The following FAT3 variants were observed in gnomAD, a reference collection of about 807,000 sequenced individuals.
The protein encoded by FAT3 is FAT atypical cadherin 3.
FAT3 carries 95 observed loss-of-function variants against 310.2 expected under a neutral mutation model. The observed-to-expected ratio is 0.31, with a 90% CI of 0.26 to 0.36. The LOEUF is 0.36. Among genes scored for constraint, FAT3 ranks in the 10% least tolerant of loss-of-function variants. The pLI is 1.00. For synonymous variants in FAT3, 2,314 were observed against 2,192.9 expected, an observed-to-expected ratio of 1.06 and a Z score of -1.54; for missense variants, 5,408 against 5,715.6, an observed-to-expected ratio of 0.95 and a Z score of 1.74.
At chr11:92,479,548 AT>A (rs1053873662) in intron 2 of FAT3, among the ~76,000 whole-genome samples, 11 of 152,316 alleles carry the variant, frequency 7.2e-5, no homozygotes, top group African/African-American at 2.6e-4. Context: ...CAGGCCTTGA[AT>A]GGCCTAAATA....
intron 2 of FAT3, among the ~76,000 whole-genome samples, chr11:92,481,984 C>A (rs1952238423): frequency 6.6e-6 from 1 of 152,054 alleles, no homozygotes; most frequent in Non-Finnish European, 1.5e-5. Flanking sequence ...ATTTTAATTA[C>A]TTCATATGTA....
In FAT3 at chr11:92,277,870, T is replaced by A. The variant is rs974603552; in HGVS notation, c.-18+52696T>A. ...TCTAAAAAGTCAATCTTTTTTTTTT[T>A]AAAAAAAAAAGGTAAACTTGGGCAA... On this transcript the variant is annotated intron_variant, in intron 1 of 27. Transcript: ENST00000525166. Among the ~76,000 whole-genome samples, 199 of 146,034 alleles carry A rather than the reference T, an allele frequency of 1.4e-3. 2 individuals are homozygous for A. Among genetic ancestry groups the A allele is most frequent in the African/African-American group, 4.0e-3 (157 of 38,870 alleles).
chr11:92,757,904 T>G (rs1026057359), intron 4 of FAT3, among the ~76,000 whole-genome samples: 1 of 152,178 alleles, frequency 6.6e-6, no homozygotes, highest in Admixed American at 6.5e-5. Flanking sequence ...TAAAAATCAT[T>G]CTGCATTATC....
intron 2 of FAT3, among the ~76,000 whole-genome samples, chr11:92,377,847 C>T (rs1949386658): frequency 6.6e-6 from 1 of 152,192 alleles, no homozygotes; most frequent in South Asian, 2.1e-4. Context: ...TCTCTGATTC[C>T]TTTCCAAAGG....
chr11:92,655,207 AAATGAATG>A (rs138538905), intron 3 of FAT3, among the ~76,000 whole-genome samples: 3 of 151,932 alleles, frequency 2.0e-5, no homozygotes, highest in East Asian at 1.9e-4. Flanking sequence ...TAGGATAGGT[AAATGAATG>A]AATGAATGAA....
rs968420151 is a variant in FAT3 at position 92,294,674 on chromosome 11, T to C, written c.-17-57422T>C. Among the ~76,000 whole-genome samples the C allele has an allele frequency of 2.0e-4, 31 of 151,976 alleles. 1 individual carries two copies. Among genetic ancestry groups the C allele is most frequent in the Non-Finnish European group, 4.1e-4 (28 of 67,938 alleles). On this transcript the variant is annotated intron_variant, in intron 1 of 27. Coordinates refer to ENST00000525166, the MANE Select transcript of FAT3 (RefSeq NM_001367949.2). ...AGACAGAACCTGATTTTGCCTTTTT[T>C]TTTTTCTTATTTTGTTCTATTGAAT...
chr11:92,647,467 T>C (rs1190871125), intron 3 of FAT3, among the ~76,000 whole-genome samples: 1 of 152,152 alleles, frequency 6.6e-6, no homozygotes, highest in African/African-American at 2.4e-5. Context: ...CTGGAAAAAC[T>C]CTACATCAAT....
At chr11:92,818,010 C>A (rs769969289) in intron 13 of FAT3, among the ~76,000 whole-genome samples, 2 of 152,152 alleles carry the variant, frequency 1.3e-5, no homozygotes, top group Non-Finnish European at 2.9e-5. Context: ...TTTCCTGTAT[C>A]TTCTTGGGAC....
chr11:92,671,595 C>T (rs1943130032), intron 3 of FAT3, among the ~76,000 whole-genome samples: 1 of 152,038 alleles, frequency 6.6e-6, no homozygotes, highest in Admixed American at 6.6e-5. Context: ...GTCCTCTCAT[C>T]CTTTTTATTG....
Position 92,844,522 on chromosome 11 carries a change from A to G in FAT3, c.11155A>G (p.Ile3719Val), listed in dbSNP as rs772335103. The change falls in exon 19 of 28, where the codon ATC becomes GTC. Residue 3719 changes from isoleucine (I) to valine (V), a missense_variant. Physicochemically the swap from Ile to Val is conservative, Grantham distance 29. Around this residue, in one of 5 missense-constraint regions of FAT3, gnomAD observed 4,588 missense variants for 4,809.8 expected, o/e 0.95. Transcript: ENST00000525166. ...SSEFYKPAYL[I>V]QKLSNARRHL... The stretch of plus-strand genomic sequence containing the variant: ...CGAGTTCTACAAGCCAGCCTACCTG[A>G]TCCAGAAGCTGTCCAATGCTAGAAG... 1.2e-6 allele frequency: 2 copies of G among 1,613,890 alleles called. No homozygotes were observed. The highest frequency in any genetic ancestry group is 2.7e-5 in the African/African-American group (2 of 74,932).
intron 2 of FAT3, chr11:92,367,178 A>C: frequency 3.0e-6 from 1 of 329,270 alleles, no homozygotes; most frequent in Non-Finnish European, 6.1e-6. Flanking sequence ...GCATTGTACC[A>C]CCCACTGAAG....
chr11:92,506,315 G>A (rs996095208), intron 2 of FAT3, among the ~76,000 whole-genome samples: 8 of 152,086 alleles, frequency 5.3e-5, no homozygotes, highest in South Asian at 2.1e-4. Context: ...CTTTCTGGAC[G>A]CCTTTCCTCT....
chr11:92,443,883 T>C (rs1408880432), intron 2 of FAT3, among the ~76,000 whole-genome samples: 1 of 152,170 alleles, frequency 6.6e-6, no homozygotes, highest in Non-Finnish European at 1.5e-5. Context: ...ATAAATTGTT[T>C]ATTTTTCATC....
intron 7 of FAT3, among the ~76,000 whole-genome samples, chr11:92,785,985 C>T (rs575479859): frequency 1.3e-5 from 2 of 152,044 alleles, no homozygotes; most frequent in South Asian, 4.1e-4. Context: ...GTCAGATAAA[C>T]CAATGGAACA....
chr11:92,522,140 C>G (rs982311008), intron 2 of FAT3, among the ~76,000 whole-genome samples: 13 of 152,128 alleles, frequency 8.5e-5, no homozygotes, highest in Non-Finnish European at 1.6e-4. Context: ...GTTACATTAC[C>G]TGTATCCCTC....
chr11:92,568,040 A>T (rs1955531522), intron 3 of FAT3, among the ~76,000 whole-genome samples: 1 of 151,954 alleles, frequency 6.6e-6, no homozygotes, highest in African/African-American at 2.4e-5. Flanking sequence ...TTAAAAGTAT[A>T]ATAATAATAA....
chr11:92,590,429 A>G (rs1354956394), intron 3 of FAT3, among the ~76,000 whole-genome samples: 1 of 152,144 alleles, frequency 6.6e-6, no homozygotes, highest in Non-Finnish European at 1.5e-5. Context: ...AGGGTAAGTA[A>G]GAATAAACAA....
At chr11:92,247,559 G>A (rs1388288365) in intron 1 of FAT3, among the ~76,000 whole-genome samples, 6 of 151,962 alleles carry the variant, frequency 3.9e-5, no homozygotes, top group Non-Finnish European at 8.8e-5. Context: ...CAAATCAGAA[G>A]GGAGTCATTT....
intron 3 of FAT3, among the ~76,000 whole-genome samples, chr11:92,565,725 G>A (rs1955409978): frequency 4.6e-5 from 7 of 151,396 alleles, no homozygotes; most frequent in Admixed American, 4.6e-4. Flanking sequence ...ATGCAAGGCT[G>A]GTTCAATATA....
Sources: allele counts gnomAD v4.1 joint callset (sites outside exome capture counted in the v4.1 genomes callset), GRCh38; gene constraint gnomAD v4.1.1; regional missense constraint gnomAD v4.1.1; transcripts MANE v1.5; gene names NCBI Gene and HGNC (gene_info 2026-07-23, HGNC 2026-07-21).